The following RAD23A variants were observed in gnomAD, a reference collection of about 807,000 sequenced individuals.
RAD23A encodes lysine-specific demethylase RAD23A.
A neutral mutation model predicts 44.8 loss-of-function variants in RAD23A; 16 were observed. The observed-to-expected ratio is 0.36, with a 90% CI of 0.24 to 0.54. The LOEUF (loss-of-function observed/expected upper bound fraction) is 0.54, where lower values mean the gene tolerates loss of function less well. Ranked by LOEUF, RAD23A falls within the 20% of genes least tolerant of loss-of-function variation. The pLI, the probability that RAD23A is intolerant of heterozygous loss-of-function variation, is 0.89. For synonymous variants in RAD23A, 217 were observed against 202.9 expected, an observed-to-expected ratio of 1.07 and a Z score of -0.59; for missense variants, 380 against 483.3, an observed-to-expected ratio of 0.79 and a Z score of 2.00.
intron 7 of RAD23A, among the ~76,000 whole-genome samples, chr19:12,951,552 T>G (rs573371920): frequency 6.6e-6 from 1 of 152,040 alleles, no homozygotes; most frequent in Non-Finnish European, 1.5e-5. Context: ...GTTCAAGAGA[T>G]TCTCCTGCCT....
chr19:12,946,539 G>T (rs1306758376), intron 1 of RAD23A, among the ~76,000 whole-genome samples: 1 of 152,186 alleles, frequency 6.6e-6, no homozygotes, highest in Non-Finnish European at 1.5e-5. Flanking sequence ...TTGTAGTGTT[G>T]TTTTACCGCT....
chr19:12,951,825 T>C (rs1484637289), intron 7 of RAD23A, among the ~76,000 whole-genome samples: 1 of 152,232 alleles, frequency 6.6e-6, no homozygotes, highest in African/African-American at 2.4e-5. Flanking sequence ...CTGTTTGCTT[T>C]ACCTGGAGGA....
chr19:12,948,120 G>A lies in RAD23A; in HGVS notation c.235-57G>A, dbSNP rs200786579. On this transcript the variant is annotated intron_variant, in intron 2 of 8. Transcript: ENST00000586534. The surrounding 1 kb of genome is among the most constrained non-coding windows in gnomAD (Gnocchi z 5.5). ...GAACAGGGCGGGGCCACAGCGGAGCGGGTTGTTGGGTCTGATAGGGTTGCT... is the reference window on the plus strand; with the variant it reads ...GAACAGGGCGGGGCCACAGCGGAGCAGGTTGTTGGGTCTGATAGGGTTGCT... 6.7e-5 allele frequency: 108 copies of A among 1,610,056 alleles called. No individual in the cohort carries two copies. The highest frequency in any genetic ancestry group is 7.9e-5 in the Non-Finnish European group (93 of 1,177,138).
chr19:12,950,558 C>G (rs1174103717), intron 7 of RAD23A, among the ~76,000 whole-genome samples: 1 of 152,078 alleles, frequency 6.6e-6, no homozygotes, highest in Admixed American at 6.6e-5. Flanking sequence ...CCCGCCACCA[C>G]GCCTGACTAA....
Position 12,948,881 on chromosome 19 carries a change from C to A in RAD23A, c.600+68C>A. On this transcript the variant is annotated intron_variant, in intron 5 of 8. Coordinates refer to ENST00000586534, the MANE Select transcript of RAD23A (RefSeq NM_005053.4). The surrounding 1 kb of genome is among the most constrained non-coding windows in gnomAD (Gnocchi z 5.5). ...ACCCGGGCGTCACTGCCCTGATGGG[C>A]GGTTGGGAAGGCAAAACCTGCCCTG... 1 of 1,554,902 alleles carries A rather than the reference C, an allele frequency of 6.4e-7. No individual in the cohort carries two copies.
intron 7 of RAD23A, among the ~76,000 whole-genome samples, chr19:12,950,925 A>G (rs1971795568): frequency 6.6e-6 from 1 of 152,184 alleles, no homozygotes; most frequent in Non-Finnish European, 1.5e-5. Context: ...GTAGCTGAGC[A>G]TGGCGGCAGG....
intron 1 of RAD23A, among the ~76,000 whole-genome samples, chr19:12,946,878 GCCTA>G (rs1244949799): frequency 6.6e-6 from 1 of 152,092 alleles, no homozygotes; most frequent in Non-Finnish European, 1.5e-5. Flanking sequence ...AAGTTAACCT[GCCTA>G]CCTGTCTGTG....
At chr19:12,950,403 TTTC>T (rs1460913286) in intron 7 of RAD23A, among the ~76,000 whole-genome samples, 1 of 151,732 alleles carries the variant, frequency 6.6e-6, no homozygotes, top group African/African-American at 2.4e-5. Context: ...TAAAAAGCAC[TTTC>T]TTTTCTTTTT....
chr19:12,948,145 T>C lies in RAD23A; in HGVS notation c.235-32T>C. 6.2e-7 allele frequency: 1 copy of C among 1,613,672 alleles called. No individual in the cohort carries two copies. The highest frequency in any genetic ancestry group is 2.2e-5 in the East Asian group (1 of 44,876). ...GGGTTGTTGGGTCTGATAGGGTTGC[T>C]GATGCCAGCTCCCTTTTTCTTGCTG... On this transcript the variant is annotated intron_variant, in intron 2 of 8. Coordinates refer to ENST00000586534, the MANE Select transcript of RAD23A (RefSeq NM_005053.4). This position sits in a 1 kb window ranked among gnomAD's most constrained non-coding sequence, Gnocchi z 5.5.
chr19:12,949,217 C>T, intron 6 of RAD23A, 58 bp downstream of exon 6: 1 of 1,614,028 alleles, frequency 6.2e-7, no homozygotes, highest in Non-Finnish European at 8.5e-7. Context: ...TACACTCCAC[C>T]CCGCAGTGCT....
In RAD23A at chr19:12,945,918, C is replaced by G; in HGVS notation, c.-31C>G. The G allele has an allele frequency of 6.2e-7, 1 of 1,605,280 alleles. No individual in the cohort carries two copies. The highest frequency in any genetic ancestry group is 1.7e-4 in the Middle Eastern group (1 of 5,766). The stretch of plus-strand genomic sequence containing the variant: ...CGTGAGTTGCATGTTGTGTGAGGAT[C>G]CCGGGGCCGCCGCGTCGCTCGGGCC... On this transcript the variant is annotated 5_prime_UTR_variant, in exon 1 of 9. The change creates a new upstream start codon in the 5' untranslated region. Transcript: ENST00000586534.
intron 7 of RAD23A, among the ~76,000 whole-genome samples, chr19:12,950,508 G>A (rs45455093): frequency 6.6e-6 from 1 of 152,076 alleles, no homozygotes; most frequent in South Asian, 2.1e-4. Context: ...GGGTTCAAGC[G>A]ATTCTTTTGC....
At chr19:12,946,410 C>T (rs1014035835) in intron 1 of RAD23A, among the ~76,000 whole-genome samples, 2 of 152,218 alleles carry the variant, frequency 1.3e-5, no homozygotes, top group Admixed American at 1.3e-4. Context: ...GGAGTAATGA[C>T]CAGGAGATAC....
In RAD23A at chr19:12,946,034, C is replaced by A; in HGVS notation, c.72+14C>A. 2 of 867,772 alleles carry A rather than the reference C, an allele frequency of 2.3e-6. No homozygotes were observed. The highest frequency in any genetic ancestry group is 2.6e-5 in the South Asian group (1 of 39,002). The allele number at this position is 867,772 out of a possible 1,614,324, so 53.8% of individuals were successfully genotyped here. The stretch of plus-strand genomic sequence containing the variant: ...CCTGACGAGACGGTGCGGGCCGGGC[C>A]GGAGCCCGGGGGCGGGAGCGACGGG... On this transcript the variant is annotated intron_variant, in intron 1 of 8. Transcript: ENST00000586534.
At chr19:12,951,580 G>A (rs1042313443) in intron 7 of RAD23A, among the ~76,000 whole-genome samples, 9 of 152,050 alleles carry the variant, frequency 5.9e-5, no homozygotes, top group Non-Finnish European at 1.3e-4. Context: ...CAGAGTAGCT[G>A]GGATTACAGG....
At chr19:12,947,061 TAAATA>T (rs768767894) in intron 1 of RAD23A, among the ~76,000 whole-genome samples, 10 of 152,128 alleles carry the variant, frequency 6.6e-5, no homozygotes, top group Non-Finnish European at 1.2e-4. Context: ...CAAAAATCAA[TAAATA>T]AAATGAGACC....
At chr19:12,949,488 A>T in intron 7 of RAD23A, 80 bp downstream of exon 7, 1 of 1,559,350 alleles carries the variant, frequency 6.4e-7, no homozygotes, top group Non-Finnish European at 8.7e-7. Flanking sequence ...AACACGTAGG[A>T]ATCGTTCTAG....
rs768702799 is a variant in RAD23A, at chr19:12,953,095, A to G, written c.*46A>G. 3 of 1,362,072 alleles carry G rather than the reference A, an allele frequency of 2.2e-6. No individual in the cohort carries two copies. Among genetic ancestry groups the G allele is most frequent in the African/African-American group, 2.9e-5 (2 of 67,876 alleles). The allele number at this position is 1,362,072 out of a possible 1,614,324, so 84.4% of individuals were successfully genotyped here. A position where few individuals can be genotyped will look rare whatever the true frequency, so the allele number is the denominator to read the frequency against. On this transcript the variant is annotated 3_prime_UTR_variant, in exon 9 of 9. Transcript: ENST00000586534. ...GAAGCCCCCACCCTACCCTTATTCC[A>G]TGAAAGTTTTATAAAAGAAAAAATA...
chr19:12,953,211 G>A lies in RAD23A; in HGVS notation c.*162G>A. ...CAGTCCAGCTTCCTGTCCTCCTAAA[G>A]TGGCCCCTGTTCCCATCTCCCGGGC... is the stretch of plus-strand genomic sequence containing the variant. On this transcript the variant is annotated 3_prime_UTR_variant, in exon 9 of 9. Transcript: ENST00000586534. 1.9e-6 allele frequency: 1 copy of A among 524,116 alleles called. No homozygotes were observed. Among genetic ancestry groups the A allele is most frequent in the Non-Finnish European group, 3.2e-6 (1 of 312,688 alleles). 32.5% of individuals were successfully genotyped at this position (524,116 alleles called of 1,614,324 possible). A position where few individuals can be genotyped will look rare whatever the true frequency, so the allele number is the denominator to read the frequency against.
Sources: gnomAD v4.1 joint callset for allele counts (sites outside exome capture counted in the v4.1 genomes callset) on GRCh38, gnomAD v4.1.1 for gene constraint, Gnocchi (gnomAD v3.1) non-coding constraint, MANE v1.5 for transcripts, NCBI Gene and HGNC (gene_info 2026-07-23, HGNC 2026-07-21) for gene names.